IL20: variants seen among roughly 807,000 people sequenced by gnomAD.
IL20 encodes interleukin-20.
Under a neutral mutation model 19.2 loss-of-function variants are expected in IL20, and 22 were observed. The observed-to-expected ratio is 1.15, with a 90% CI of 0.82 to 1.64. The LOEUF is 1.64. Ranked by LOEUF, IL20 falls within the 40% of genes most tolerant of loss-of-function variation. The pLI, the probability that IL20 is intolerant of heterozygous loss-of-function variation, is 0.00. For missense variants in IL20, 215 were observed against 212.8 expected, an observed-to-expected ratio of 1.01 and a Z score of -0.06; for synonymous variants, 70 against 76.2, an observed-to-expected ratio of 0.92 and a Z score of 0.43.
At chr1:206,866,452 C>T in intron 3 of IL20, 32 bp from the exon 4 acceptor site, 2 of 1,613,878 alleles carry the variant, frequency 1.2e-6, no homozygotes, top group Non-Finnish European at 1.7e-6. Context: ...TCTCCCCTTT[C>T]CCCTCACCAA....
Position 206,867,409 on chromosome 1 carries a change from G to C in IL20, c.404G>C (p.Gly135Ala). 6.2e-7 allele frequency: 1 copy of C among 1,613,854 alleles called. No homozygotes were observed. The highest frequency in any genetic ancestry group is 1.3e-5 in the African/African-American group (1 of 74,988). Residue 135 changes from glycine to alanine, a missense_variant, in exon 5 of 6, where the codon GGG (glycine) becomes GCG (alanine). Coordinates refer to ENST00000367098, the MANE Select transcript of IL20 (RefSeq NM_018724.4). ...LCHAHMTCHC[G>A]EEAMKKYSQI... ...CATGCCCACATGACATGCCATTGTGGGGAGGAAGCAATGAAGAAATACAGC... is the reference window on the plus strand; with the variant it reads ...CATGCCCACATGACATGCCATTGTGCGGAGGAAGCAATGAAGAAATACAGC...
chr1:206,866,712 T>A (rs1677560131), intron 4 of IL20, 76 bp downstream of exon 4: 1 of 1,371,516 alleles, frequency 7.3e-7, no homozygotes, highest in African/African-American at 1.4e-5. Context: ...CTCTCTTTCC[T>A]ACCTCCATTT....
At chr1:206,868,449 C>T (rs750603380) in intron 5 of IL20, 38 bp from the exon 6 acceptor site, 2 of 1,515,562 alleles carry the variant, frequency 1.3e-6, no homozygotes, top group Non-Finnish European at 9.0e-7. Flanking sequence ...AATGCTGTCT[C>T]ATGAATTGCT....
Position 206,866,731 on chromosome 1 carries a change from G to A in IL20, c.378+95G>A, listed in dbSNP as rs374625441. 13 of 1,200,678 alleles carry A rather than the reference G, an allele frequency of 1.1e-5. No individual in the cohort carries two copies. In the African/African-American group the frequency reaches 1.5e-4, roughly 14 times the overall value. 74.4% of individuals were successfully genotyped at this position (1,200,678 alleles called of 1,614,324 possible). On this transcript the variant is annotated intron_variant, in intron 4 of 5. Transcript: ENST00000367098. ...CTTTCCTACCTCCATTTAATGGATG[G>A]AGAAACTGAGTCCAAAAGTTCTAAT...
Position 206,868,721 on chromosome 1 carries a change from T to C in IL20, c.*157T>C, listed in dbSNP as rs1383858361. ...TTTATGCATTACTTGCTTCCTTGCA[T>C]GATTGTCTTTATGCATCCCCAATCT... On this transcript the variant is annotated 3_prime_UTR_variant, in exon 6 of 6. Coordinates refer to ENST00000367098, the MANE Select transcript of IL20 (RefSeq NM_018724.4). The C allele has an allele frequency of 2.4e-6, 1 of 409,570 alleles. No homozygotes were observed. Among genetic ancestry groups the C allele is most frequent in the Non-Finnish European group, 4.2e-6 (1 of 235,710 alleles). 25.4% of individuals were successfully genotyped at this position (409,570 alleles called of 1,614,324 possible).
Position 206,865,907 on chromosome 1 carries a change from T to C in IL20, c.55T>C (p.Trp19Arg). ...TCTCTCTGCTGCGTTTTATCTCCTA[T>C]GGACTCCTTCCACTGGACTGAAGAC... ...SLLSAAFYLL[W>R]TPSTGLKTLN... is the part of the protein sequence containing the mutation. The change falls in exon 2 of 6, where the codon TGG becomes CGG. Residue 19 changes from tryptophan (W) to arginine (R), a missense_variant. Physicochemically the swap from Trp to Arg is moderately radical, Grantham distance 101. Transcript: ENST00000367098. The surrounding 1 kb of genome is among the most constrained non-coding windows in gnomAD (Gnocchi z 4.1). 6.2e-7 allele frequency: 1 copy of C among 1,614,164 alleles called. No individual in the cohort carries two copies.
Position 206,866,483 on chromosome 1 carries a change from G to T in IL20, c.226-1G>T. ...ACCAATATACCTGTGGTTTTTTGCA[G>T]CCTGCGAATCGATGCTGCCTCCTGC... On this transcript the variant is annotated splice_acceptor_variant, in intron 3 of 5. Coordinates refer to ENST00000367098, the MANE Select transcript of IL20 (RefSeq NM_018724.4). LOFTEE classifies it high-confidence loss of function. The T allele has an allele frequency of 6.2e-7, 1 of 1,613,548 alleles. No homozygotes were observed. Among genetic ancestry groups the T allele is most frequent in the Non-Finnish European group, 8.5e-7 (1 of 1,179,854 alleles).
At chr1:206,865,520 A>G (rs1485771088), upstream of IL20, 2 of 1,084,372 alleles carry the variant, frequency 1.8e-6, no homozygotes, top group Non-Finnish European at 2.2e-6. This position sits in a 1 kb window ranked among gnomAD's most constrained non-coding sequence, Gnocchi z 4.1. Flanking sequence ...TTCTCTATCT[A>G]TTCACTGCAA....
At chr1:206,866,232 C>T in intron 2 of IL20, 67 bp from the exon 3 acceptor site, 6 of 1,482,302 alleles carry the variant, frequency 4.0e-6, no homozygotes, top group Non-Finnish European at 5.7e-6. Flanking sequence ...GATGAGAAGT[C>T]TTGATATTGA....
At chr1:206,865,605 G>A (rs886848443), upstream of IL20, 1 of 1,297,988 alleles carries the variant, frequency 7.7e-7, no homozygotes, top group South Asian at 2.4e-5. This position sits in a 1 kb window ranked among gnomAD's most constrained non-coding sequence, Gnocchi z 4.1. Context: ...AAGGAGCCAC[G>A]ACCTGTGCCA....
At chr1:206,865,568 C>A (rs532509662), upstream of IL20, 4 of 1,186,412 alleles carry the variant, frequency 3.4e-6, no homozygotes, top group Non-Finnish European at 4.2e-6. The surrounding 1 kb of genome is among the most constrained non-coding windows in gnomAD (Gnocchi z 4.1). Flanking sequence ...TGGGCACTAA[C>A]GGCGGAGCCA....
chr1:206,868,405 A>G lies in IL20; in HGVS notation c.454-82A>G, dbSNP rs953103084. 37 of 836,194 alleles carry G rather than the reference A, an allele frequency of 4.4e-5. No individual in the cohort carries two copies. In the Admixed American group the frequency reaches 9.3e-4, roughly 21 times the overall value. The allele number at this position is 836,194 out of a possible 1,614,324, so 51.8% of individuals were successfully genotyped here. A position where few individuals can be genotyped will look rare whatever the true frequency, so the allele number is the denominator to read the frequency against. ...GAATGCTCTGCTTACAATTGTCAGC[A>G]GACCTATCCATAAAAGAGATAGGTC... On this transcript the variant is annotated intron_variant, in intron 5 of 5. Coordinates refer to ENST00000367098, the MANE Select transcript of IL20 (RefSeq NM_018724.4).
In IL20 at chr1:206,867,462, T is replaced by C. The variant is rs1271242828; in HGVS notation, c.453+4T>C. 9 of 1,612,140 alleles carry C rather than the reference T, an allele frequency of 5.6e-6. No homozygotes were observed. In the Middle Eastern group the frequency reaches 4.9e-4, roughly 88 times the overall value. Reference sequence around the variant, plus strand: ...GATTCTGAGTCACTTTGAAAAGGTATATGCGACTTTGGCATTGATTGGGAT... The same window carrying C: ...GATTCTGAGTCACTTTGAAAAGGTACATGCGACTTTGGCATTGATTGGGAT... On this transcript the variant is annotated splice_donor_region_variant and intron_variant, in intron 5 of 5. Transcript: ENST00000367098.
At chr1:206,868,387 C>T (rs1420394167) in intron 5 of IL20, 100 bp from the exon 6 acceptor site, 1 of 615,322 alleles carries the variant, frequency 1.6e-6, no homozygotes, top group Non-Finnish European at 2.6e-6. Context: ...AAAGAATGCT[C>T]TGCTTACAAT....
intron 4 of IL20, 58 bp downstream of exon 4, chr1:206,866,694 C>A: frequency 1.3e-6 from 2 of 1,494,720 alleles, no homozygotes; most frequent in Non-Finnish European, 1.8e-6. Flanking sequence ...AATGGCTTAG[C>A]AACTAAACTC....
Position 206,866,524 on chromosome 1 carries a change from T to G in IL20, c.266T>G (p.Leu89Arg), listed in dbSNP as rs750304865. ...RCCLLRHLLR[L>R]YLDRVFKNYQ... is the part of the protein sequence containing the mutation. ...TGCCTCCTGCGCCATTTGCTAAGAC[T>G]CTATCTGGACAGGGTATTTAAAAAC... is the stretch of plus-strand genomic sequence containing the variant. The change falls in exon 4 of 6, where the codon CTC (leucine) becomes CGC (arginine). Residue 89 changes from leucine to arginine, a missense_variant. Physicochemically the swap from Leu to Arg is moderately radical, Grantham distance 102. Transcript: ENST00000367098. 1 of 1,614,094 alleles carries G rather than the reference T, an allele frequency of 6.2e-7. No homozygotes were observed.
At chr1:206,866,225 G>A (rs892225690) in intron 2 of IL20, 74 bp from the exon 3 acceptor site, 1 of 1,432,492 alleles carries the variant, frequency 7.0e-7, no homozygotes. Flanking sequence ...GGGAGTGGAT[G>A]AGAAGTCTTG....
At chr1:206,865,330 G>C (rs1383802442), upstream of IL20, 2 of 196,000 alleles carry the variant, frequency 1.0e-5, no homozygotes, top group Admixed American at 1.3e-4. The surrounding 1 kb of genome is among the most constrained non-coding windows in gnomAD (Gnocchi z 4.1). Context: ...ATAAAATCCA[G>C]ACAATTTCCC....
chr1:206,865,775 GGAGGAGGGGAAA>G lies in IL20; in HGVS notation c.-30-47_-30-36del. On this transcript the variant is annotated intron_variant, in intron 1 of 5. Coordinates refer to ENST00000367098, the MANE Select transcript of IL20 (RefSeq NM_018724.4). The surrounding 1 kb of genome is among the most constrained non-coding windows in gnomAD (Gnocchi z 4.1). ...CCCACCCCTCACCCCGTGGACACTT[GGAGGAGGGGAAA>G]CTCAGTAAGTCATGCTCTCTTCTTT... 1 of 1,509,306 alleles carries G rather than the reference GGAGGAGGGGAAA, an allele frequency of 6.6e-7. No homozygotes were observed. The highest frequency in any genetic ancestry group is 2.4e-5 in the East Asian group (1 of 41,462). The allele number at this position is 1,509,306 out of a possible 1,614,324, so 93.5% of individuals were successfully genotyped here.
Sources: gnomAD v4.1 joint callset for allele counts on GRCh38, gnomAD v4.1.1 for gene constraint, Gnocchi (gnomAD v3.1) non-coding constraint, MANE v1.5 for transcripts, NCBI Gene and HGNC (gene_info 2026-07-23, HGNC 2026-07-21) for gene names.